The following DHTKD1 variants were observed in gnomAD, a reference collection of about 807,000 sequenced individuals.
The protein encoded by DHTKD1 is 2-oxoadipate dehydrogenase complex component E1.
In DHTKD1, 78 loss-of-function variants were observed where a neutral mutation model predicts 101.8. That is an observed-to-expected ratio of 0.77 (90% CI 0.64 to 0.93). The LOEUF (loss-of-function observed/expected upper bound fraction) is 0.93, where lower values mean the gene tolerates loss of function less well. Ranked by LOEUF, DHTKD1 falls within the 40% of genes least tolerant of loss-of-function variation. The probability of loss-of-function intolerance (pLI) is 0.00; values close to 1 mark genes in which losing one functional copy is unlikely to be tolerated. For synonymous variants in DHTKD1, 462 were observed against 450.3 expected (o/e 1.03, Z -0.33); for missense variants, 1,223 against 1,161.7 (o/e 1.05, Z -0.77).
At chr10:12,096,598 T>C (rs1343915249) in intron 7 of DHTKD1, among the ~76,000 whole-genome samples, 1 of 152,184 alleles carries the variant, frequency 6.6e-6, no homozygotes, top group African/African-American at 2.4e-5. Flanking sequence ...CATCTGCCCG[T>C]CTCGGCCTCC....
At chr10:12,082,984 CAA>C (rs1210829103) in intron 2 of DHTKD1, among the ~76,000 whole-genome samples, 3 of 151,618 alleles carry the variant, frequency 2.0e-5, no homozygotes, top group Non-Finnish European at 4.4e-5. Context: ...AAAAAAATAA[CAA>C]AAAAATTAGC....
At chr10:12,085,819 G>A (rs762979569) in intron 3 of DHTKD1, among the ~76,000 whole-genome samples, 3 of 150,600 alleles carry the variant, frequency 2.0e-5, no homozygotes, top group East Asian at 2.0e-4. Context: ...CCCAGGAGGC[G>A]GAGGTTGCAG....
chr10:12,118,676 C>G, intron 14 of DHTKD1, 73 bp from the exon 15 acceptor site: 1 of 1,318,138 alleles, frequency 7.6e-7, no homozygotes, highest in South Asian at 1.8e-5. Context: ...GCTACTGCAC[C>G]TGGCCTCTTC....
In DHTKD1 at chr10:12,069,156, C is replaced by T. The variant is rs1376571690; in HGVS notation, c.123C>T (p.Arg41=). 1.3e-6 allele frequency: 2 copies of T among 1,567,486 alleles called. No individual in the cohort carries two copies. Among genetic ancestry groups the T allele is most frequent in the African/African-American group, 2.7e-5 (2 of 73,224 alleles). The stretch of plus-strand genomic sequence containing the variant: ...ACCGGCCGAGGAAGCCCGAGAGCCG[C>T]GAGCCCCAGGGCGCCCTGGAGCGCC... ...YGYRPRKPES[R]EPQGALERPP... is the part of the protein sequence containing the mutation. The change falls in exon 1 of 17, where the codon CGC becomes CGT. Residue 41 remains arginine (R), a synonymous_variant. Coordinates refer to ENST00000263035, the MANE Select transcript of DHTKD1 (RefSeq NM_018706.7).
In DHTKD1 at chr10:12,121,045, C is replaced by T; in HGVS notation, c.*157C>T. The T allele has an allele frequency of 1.9e-6, 1 of 529,714 alleles. No individual in the cohort carries two copies. Among genetic ancestry groups the T allele is most frequent in the South Asian group, 1.8e-5 (1 of 54,960 alleles). 32.8% of individuals were successfully genotyped at this position (529,714 alleles called of 1,614,324 possible). A position where few individuals can be genotyped will look rare whatever the true frequency, so the allele number is the denominator to read the frequency against. On this transcript the variant is annotated 3_prime_UTR_variant, in exon 17 of 17. Coordinates refer to ENST00000263035, the MANE Select transcript of DHTKD1 (RefSeq NM_018706.7). ...GACCAGCCTGGCCAACACGGTGAAA[C>T]CCCGCCTCTACTAAAAATACAAAAA...
intron 7 of DHTKD1, 35 bp from the exon 8 acceptor site, chr10:12,097,649 C>T (rs1833090517): frequency 6.4e-7 from 1 of 1,562,646 alleles, no homozygotes; most frequent in Non-Finnish European, 8.7e-7. Context: ...TGTTACAGGT[C>T]AGACTGATTT....
chr10:12,107,915 C>A lies in DHTKD1; in HGVS notation c.2054C>A (p.Ala685Asp). Residue 685 changes from alanine to aspartate, a missense_variant, in exon 12 of 17, where the codon GCC (alanine) becomes GAC (aspartate). Transcript: ENST00000263035. The surrounding 1 kb of genome is among the most constrained non-coding windows in gnomAD (Gnocchi z 4.1). ...IFDTFISGGE[A>D]KWLLQSGIVI... ...CCACGTGGTACTTTTCCAGGAGAGG[C>A]CAAGTGGCTCCTACAAAGCGGCATC... is the stretch of plus-strand genomic sequence containing the variant. The A allele has an allele frequency of 6.2e-7, 1 of 1,612,418 alleles. No individual in the cohort carries two copies. The highest frequency in any genetic ancestry group is 8.5e-7 in the Non-Finnish European group (1 of 1,178,546).
chr10:12,098,462 T>G (rs1262045883), intron 8 of DHTKD1, among the ~76,000 whole-genome samples: 1 of 152,172 alleles, frequency 6.6e-6, no homozygotes, highest in African/African-American at 2.4e-5. Context: ...ACTTAGGGGT[T>G]TTCTGGAATG....
chr10:12,102,519 C>T (rs993499435), intron 10 of DHTKD1, among the ~76,000 whole-genome samples: 1 of 151,342 alleles, frequency 6.6e-6, no homozygotes. Flanking sequence ...TTAAGTTAGT[C>T]CAAAATCTAC....
rs545670225 is a variant in DHTKD1, at chr10:12,100,606, C to T, written c.1756+344C>T. 6.6e-5 allele frequency among the ~76,000 whole-genome samples: 10 copies of T among 152,224 alleles called. 1 individual carries two copies. Among genetic ancestry groups the T allele is most frequent in the African/African-American group, 2.4e-4 (10 of 41,546 alleles). ...CTAGCTAGTAGAGAGTACTTTTAAT[C>T]ACGTTTGCTACCTGTTACCTTTGCA... On this transcript the variant is annotated intron_variant, in intron 9 of 16. Coordinates refer to ENST00000263035, the MANE Select transcript of DHTKD1 (RefSeq NM_018706.7).
intron 11 of DHTKD1, 68 bp downstream of exon 11, chr10:12,106,464 A>C: frequency 1.3e-6 from 2 of 1,588,640 alleles, no homozygotes; most frequent in Admixed American, 1.7e-5. Context: ...GTGGGGACAA[A>C]TGAATGAAAA....
chr10:12,106,224 T>G (rs1171559985), intron 10 of DHTKD1, 22 bp from the exon 11 acceptor site: 1 of 1,613,846 alleles, frequency 6.2e-7, no homozygotes, highest in African/African-American at 1.3e-5. Context: ...ATGCAGCGTT[T>G]CCTTCTCTTC....
chr10:12,112,335 A>G (rs552017696), intron 12 of DHTKD1, among the ~76,000 whole-genome samples: 1 of 152,252 alleles, frequency 6.6e-6, no homozygotes, highest in South Asian at 2.1e-4. Context: ...ATAATTGTCC[A>G]GATTTTGTCA....
At chr10:12,108,675 T>C (rs1193366807) in intron 12 of DHTKD1, among the ~76,000 whole-genome samples, 1 of 152,186 alleles carries the variant, frequency 6.6e-6, no homozygotes, top group Non-Finnish European at 1.5e-5. Context: ...GTTATTTCCT[T>C]ATAGTTTATT....
At chr10:12,092,327 G>A (rs1160416931) in intron 6 of DHTKD1, among the ~76,000 whole-genome samples, 1 of 152,016 alleles carries the variant, frequency 6.6e-6, no homozygotes, top group East Asian at 1.9e-4. Flanking sequence ...CAAGGATGGA[G>A]CCACAGTGTG....
rs757267828 is a variant in DHTKD1 at position 12,107,985 on chromosome 10, C to T, written c.2124C>T (p.His708=). ...GCTACGATGGGGCTGGGCCAGACCACTCATCCTGTCGAATAGAGCGTTTCC... is the reference window on the plus strand; with the variant it reads ...GCTACGATGGGGCTGGGCCAGACCATTCATCCTGTCGAATAGAGCGTTTCC... ...PHGYDGAGPD[H]SSCRIERFLQ... The change falls in exon 12 of 17, where the codon CAC becomes CAT. Residue 708 remains histidine, a synonymous_variant. Coordinates refer to ENST00000263035, the MANE Select transcript of DHTKD1 (RefSeq NM_018706.7). The surrounding 1 kb of genome is among the most constrained non-coding windows in gnomAD (Gnocchi z 4.1). The T allele has an allele frequency of 2.5e-6, 4 of 1,614,046 alleles. No homozygotes were observed.
intron 16 of DHTKD1, 72 bp downstream of exon 16, chr10:12,120,339 C>CTTTCTT (rs1554794957): frequency 8.4e-6 from 9 of 1,065,224 alleles, no homozygotes; most frequent in African/African-American, 6.8e-5. Flanking sequence ...TTCTTTCTTT[C>CTTTCTT]TTTTTTTTTT....
rs138219515 is a variant in DHTKD1, at chr10:12,084,730, G to A, written c.501G>A (p.Ser167=). ...TFTTEERKHL[S]KLMLESQEFD... ...CCACAGAAGAGCGAAAACATCTGTCGAAACTAATGCTGGAATCTCAGGTAA... is the reference window on the plus strand; with the variant it reads ...CCACAGAAGAGCGAAAACATCTGTCAAAACTAATGCTGGAATCTCAGGTAA... Residue 167 remains serine, a synonymous_variant, in exon 3 of 17, where the codon TCG becomes TCA. Coordinates refer to ENST00000263035, the MANE Select transcript of DHTKD1 (RefSeq NM_018706.7). 8.1e-6 allele frequency: 13 copies of A among 1,613,912 alleles called. No homozygotes were observed. The highest frequency in any genetic ancestry group is 8.0e-5 in the African/African-American group (6 of 74,904).
rs756788662 is a variant in DHTKD1, at chr10:12,087,193, A to T, written c.523-342A>T. Among the ~76,000 whole-genome samples the T allele has an allele frequency of 6.6e-6, 1 of 152,078 alleles. No homozygotes were observed. Among genetic ancestry groups the T allele is most frequent in the Non-Finnish European group, 1.5e-5 (1 of 68,012 alleles). ...TGGATAGTTTGCAGCCTTGATTCATACCGTAGAGCCCCGTGTGAAAACTGG... is the reference window on the plus strand; with the variant it reads ...TGGATAGTTTGCAGCCTTGATTCATTCCGTAGAGCCCCGTGTGAAAACTGG... On this transcript the variant is annotated intron_variant, in intron 3 of 16. Transcript: ENST00000263035. The surrounding 1 kb of genome is among the most constrained non-coding windows in gnomAD (Gnocchi z 5.2).
Sources: gnomAD v4.1 joint callset for allele counts (sites outside exome capture counted in the v4.1 genomes callset) on GRCh38, gnomAD v4.1.1 for gene constraint, Gnocchi (gnomAD v3.1) non-coding constraint, MANE v1.5 for transcripts, NCBI Gene and HGNC (gene_info 2026-07-23, HGNC 2026-07-21) for gene names.